Variants in RANBP3L observed in about 807,000 individuals in gnomAD.
RANBP3L encodes ran-binding protein 3-like.
A neutral mutation model predicts 67.2 loss-of-function variants in RANBP3L; 56 were observed. The observed-to-expected ratio is 0.83, with a 90% CI of 0.67 to 1.04. RANBP3L has a LOEUF of 1.04. Among genes scored for constraint, RANBP3L ranks in the 50% least tolerant of loss-of-function variants. RANBP3L has a pLI of 0.00. For missense variants in RANBP3L, 496 were observed against 535.5 expected, an observed-to-expected ratio of 0.93 and a Z score of 0.73; for synonymous variants, 164 against 181.4, an observed-to-expected ratio of 0.90 and a Z score of 0.77.
chr5:36,257,833 A>C (rs1234444718), intron 8 of RANBP3L, among the ~76,000 whole-genome samples: 2 of 122,482 alleles, frequency 1.6e-5, no homozygotes, highest in Non-Finnish European at 3.6e-5. Flanking sequence ...TAAGGGCACA[A>C]AAGAAGGTAA....
In RANBP3L at chr5:36,269,410, G is replaced by T; in HGVS notation, c.248C>A (p.Thr83Lys). 1.9e-6 allele frequency: 3 copies of T among 1,565,232 alleles called. No individual in the cohort carries two copies. The East Asian group carries it at 6.7e-5, about 35-fold the overall frequency. ...VRSSSFTFHI[T>K]DSQSQGVRKN... ...CATACCTCCCTGGGACTGAGAATCT[G>T]TAATATGAAAAGTAAAAGATGAAGA... Residue 83 changes from threonine to lysine, a missense_variant, in exon 4 of 14, where the codon ACA (threonine) becomes AAA (lysine). Thr to Lys is a moderately conservative substitution (Grantham distance 78). Coordinates refer to ENST00000296604, the MANE Select transcript of RANBP3L (RefSeq NM_145000.5).
At chr5:36,299,330 CAT>C (rs34574696) in intron 1 of RANBP3L, among the ~76,000 whole-genome samples, 2,166 of 130,980 alleles carry the variant, frequency 0.017, 26 homozygotes, top group African/African-American at 0.044. Flanking sequence ...TATACACATA[CAT>C]ATATGTGTGT....
chr5:36,277,806 A>G (rs1750699272), intron 1 of RANBP3L, among the ~76,000 whole-genome samples: 1 of 152,062 alleles, frequency 6.6e-6, no homozygotes, highest in Admixed American at 6.6e-5. Flanking sequence ...CACACCCAAG[A>G]CTGGAAAATT....
At chr5:36,255,044 C>G (rs1046284073) in intron 11 of RANBP3L, among the ~76,000 whole-genome samples, 5 of 152,062 alleles carry the variant, frequency 3.3e-5, no homozygotes, top group African/African-American at 1.2e-4. Context: ...TTTAGAAGAT[C>G]TTTTCACTTC....
intron 1 of RANBP3L, among the ~76,000 whole-genome samples, chr5:36,288,138 C>T (rs542269610): frequency 3.6e-4 from 55 of 152,274 alleles, no homozygotes; most frequent in African/African-American, 1.2e-3. Context: ...TTTATTGCCC[C>T]AGTGTGTTCC....
At chr5:36,268,325 A>T in intron 4 of RANBP3L, 1 of 1,287,444 alleles carries the variant, frequency 7.8e-7, no homozygotes, top group Non-Finnish European at 1.0e-6. Flanking sequence ...TTTTGTTTTC[A>T]TTTGGAGTTT....
At position 36,255,602 on chromosome 5, in the gene RANBP3L, T is replaced by A. The variant is rs752210497; in HGVS notation, c.904-12A>T. The A allele has an allele frequency of 6.3e-7, 1 of 1,591,954 alleles. No individual in the cohort carries two copies. Among genetic ancestry groups the A allele is most frequent in the East Asian group, 2.2e-5 (1 of 44,674 alleles). ...AGCTTGCAGTTTATCTAAATGACAA[T>A]TTTTTAAAATGTCAAATATATAGAA... On this transcript the variant is annotated splice_polypyrimidine_tract_variant and intron_variant, in intron 10 of 13. Transcript: ENST00000296604.
intron 1 of RANBP3L, among the ~76,000 whole-genome samples, chr5:36,300,978 A>G (rs114292511): frequency 8.6e-4 from 131 of 152,310 alleles, no homozygotes; most frequent in African/African-American, 3.1e-3. Flanking sequence ...TATGGTAGAG[A>G]AAGCTCCAGG....
intron 1 of RANBP3L, among the ~76,000 whole-genome samples, chr5:36,277,831 G>A (rs762442793): frequency 1.3e-5 from 2 of 152,120 alleles, no homozygotes; most frequent in Non-Finnish European, 2.9e-5. Context: ...AAGAAAAAGA[G>A]GTTTAATGGA....
At chr5:36,270,052 A>G in intron 2 of RANBP3L, 62 bp from the exon 3 acceptor site, 1 of 1,455,166 alleles carries the variant, frequency 6.9e-7, no homozygotes, top group Non-Finnish European at 9.6e-7. Context: ...TGTTGGTGCA[A>G]AAGTTATTGC....
chr5:36,293,419 T>C (rs1465066288), intron 1 of RANBP3L, among the ~76,000 whole-genome samples: 7 of 150,556 alleles, frequency 4.6e-5, no homozygotes, highest in Non-Finnish European at 1.0e-4. Context: ...ATTGCCCTGG[T>C]CAGAACTTCC....
chr5:36,265,421 T>C (rs780389775), intron 5 of RANBP3L, 28 bp downstream of exon 5: 3 of 1,427,716 alleles, frequency 2.1e-6, no homozygotes, highest in Non-Finnish European at 2.0e-6. Context: ...ATACAATTTC[T>C]GAGGTTCTTG....
At position 36,253,710 on chromosome 5, in the gene RANBP3L, G is replaced by C; in HGVS notation, c.1104C>G (p.His368Gln). ...WAQMKIQRAN[H>Q]KNVRITATDL... Reference sequence around the variant, plus strand: ...CAGTAGCTGTTATTCGTACATTTTTGTGGTTTGCTCTTTGAATCTTCATTT... The same window carrying C: ...CAGTAGCTGTTATTCGTACATTTTTCTGGTTTGCTCTTTGAATCTTCATTT... Residue 368 changes from histidine (H) to glutamine (Q), a missense_variant, in exon 12 of 14, where the codon CAC (histidine) becomes CAG (glutamine). His to Gln is a conservative substitution (Grantham distance 24). Coordinates refer to ENST00000296604, the MANE Select transcript of RANBP3L (RefSeq NM_145000.5). 6.2e-7 allele frequency: 1 copy of C among 1,612,104 alleles called. No individual in the cohort carries two copies. The highest frequency in any genetic ancestry group is 8.5e-7 in the Non-Finnish European group (1 of 1,178,354).
At chr5:36,266,145 A>G (rs557997943) in intron 4 of RANBP3L, among the ~76,000 whole-genome samples, 2 of 152,290 alleles carry the variant, frequency 1.3e-5, no homozygotes, top group East Asian at 3.9e-4. Flanking sequence ...CAAAATCTGA[A>G]TTGGTAATGA....
At chr5:36,294,905 GTATA>G (rs1752091905) in intron 1 of RANBP3L, among the ~76,000 whole-genome samples, 2 of 147,334 alleles carry the variant, frequency 1.4e-5, no homozygotes, top group South Asian at 4.3e-4. Context: ...ATATATGTGT[GTATA>G]TATACATATA....
At chr5:36,249,731 A>G (rs775440433) in intron 13 of RANBP3L, 34 bp from the exon 14 acceptor site, 8 of 1,230,568 alleles carry the variant, frequency 6.5e-6, no homozygotes, top group African/African-American at 6.1e-5. Flanking sequence ...TTATTATACA[A>G]TATTATATTT....
At chr5:36,299,429 T>A (rs1327802374) in intron 1 of RANBP3L, among the ~76,000 whole-genome samples, 1 of 151,730 alleles carries the variant, frequency 6.6e-6, no homozygotes, top group Non-Finnish European at 1.5e-5. Flanking sequence ...AAAGGAGAGA[T>A]CTTCAGGATA....
At chr5:36,278,504 T>A (rs1750756069) in intron 1 of RANBP3L, among the ~76,000 whole-genome samples, 1 of 152,164 alleles carries the variant, frequency 6.6e-6, no homozygotes, top group Non-Finnish European at 1.5e-5. Context: ...TTCAGATTTC[T>A]GTCAACTGAG....
chr5:36,301,443 A>T lies in RANBP3L; in HGVS notation c.-27T>A, dbSNP rs749989978. 6.4e-7 allele frequency: 1 copy of T among 1,567,278 alleles called. No homozygotes were observed. The highest frequency in any genetic ancestry group is 8.8e-7 in the Non-Finnish European group (1 of 1,139,968). ...GTCCTAGCAGTATGGCTGTGACTCA[A>T]GGATCACTAGGGCACCTCCTTCTCT... On this transcript the variant is annotated 5_prime_UTR_variant, in exon 1 of 14. The change creates a new upstream start codon in the 5' untranslated region. Transcript: ENST00000296604.
Sources: gnomAD v4.1 joint callset for allele counts (sites outside exome capture counted in the v4.1 genomes callset) on GRCh38, gnomAD v4.1.1 for gene constraint, MANE v1.5 for transcripts, NCBI Gene and HGNC (gene_info 2026-07-23, HGNC 2026-07-21) for gene names.